ZNF318: variants seen among roughly 807,000 people sequenced by gnomAD.
The protein encoded by ZNF318 is zinc finger protein 318, also known as endocrine regulator.
In ZNF318, 51 loss-of-function variants were observed where a neutral mutation model predicts 124.2. The observed-to-expected ratio is 0.41, with a 90% CI of 0.33 to 0.52. The LOEUF is 0.52. Among genes scored for constraint, ZNF318 ranks in the 20% least tolerant of loss-of-function variants. ZNF318 has a pLI of 0.23. For missense variants in ZNF318, 2,815 were observed against 2,811.2 expected (o/e 1.00, Z -0.03); for synonymous variants, 1,090 against 1,040.7 (o/e 1.05, Z -0.91).
rs142464624 is a variant in ZNF318 at position 43,348,392 on chromosome 6, G to A, written c.3004C>T (p.Pro1002Ser). The change falls in exon 6 of 10, where the codon CCT becomes TCT. Residue 1002 changes from proline (P) to serine (S), a missense_variant. Coordinates refer to ENST00000361428, the MANE Select transcript of ZNF318 (RefSeq NM_014345.3). ...LSDSREPTEKPGKAEKSKSPE... is the reference protein window; with the variant it reads ...LSDSREPTEKSGKAEKSKSPE... ...CTCTTAGATTTTTCTGCTTTCCCAG[G>A]CTTCTCTGTAGGCTCTCTACTGTCA... 23 of 1,614,026 alleles carry A rather than the reference G, an allele frequency of 1.4e-5. No homozygotes were observed. In the African/African-American group the frequency reaches 2.8e-4, roughly 20 times the overall value.
At chr6:43,345,618 G>A (rs1415039032) in intron 6 of ZNF318, among the ~76,000 whole-genome samples, 1 of 152,148 alleles carries the variant, frequency 6.6e-6, no homozygotes, top group Non-Finnish European at 1.5e-5. Flanking sequence ...TACCTAGACT[G>A]AAGACCCAGG....
Position 43,365,494 on chromosome 6 carries a change from T to A in ZNF318, c.400-54A>T, listed in dbSNP as rs1779749062. On this transcript the variant is annotated intron_variant, in intron 1 of 9. Coordinates refer to ENST00000361428, the MANE Select transcript of ZNF318 (RefSeq NM_014345.3). ...TCAATAGGGTCAAGACATCCCTACA[T>A]CCAAAAACTCTCCTCCCTAGTTACA... 8 of 1,561,776 alleles carry A rather than the reference T, an allele frequency of 5.1e-6. No individual in the cohort carries two copies. The South Asian group carries it at 6.9e-5, about 13-fold the overall frequency.
chr6:43,340,568 GCTA>G, intron 9 of ZNF318, 66 bp from the exon 10 acceptor site: 1 of 1,503,272 alleles, frequency 6.7e-7, no homozygotes, highest in Non-Finnish European at 8.8e-7. Context: ...TCTTGGCCCC[GCTA>G]CTGTTAGAAT....
chr6:43,358,414 A>T (rs1187722216), intron 2 of ZNF318, among the ~76,000 whole-genome samples: 143 of 124,752 alleles, frequency 1.1e-3, no homozygotes, highest in Non-Finnish European at 1.6e-3. Context: ...CACCCGGCTA[A>T]TTTTTTTTTT....
At chr6:43,368,786 C>A (rs1042738789) in intron 1 of ZNF318, 181 bp downstream of exon 1, 5 of 985,198 alleles carry the variant, frequency 5.1e-6, no homozygotes, top group Non-Finnish European at 6.0e-6. Context: ...CTCCCGAGTC[C>A]GTTATTGTGT....
intron 2 of ZNF318, among the ~76,000 whole-genome samples, chr6:43,362,518 C>CTTT (rs1180416139): frequency 0.088 from 7,087 of 80,882 alleles, 1,393 homozygotes; most frequent in Admixed American, 0.14. Flanking sequence ...ACATACACGT[C>CTTT]TTTTTTTTTT....
At position 43,337,711 on chromosome 6, in the gene ZNF318, C is replaced by A. The variant is rs1332083888; in HGVS notation, c.6287G>T (p.Ser2096Ile). 3.1e-6 allele frequency: 5 copies of A among 1,614,164 alleles called. No homozygotes were observed. The African/African-American group carries it at 4.0e-5, about 13-fold the overall frequency. The change falls in exon 10 of 10, where the codon AGT (serine) becomes ATT (isoleucine). Residue 2096 changes from serine (S) to isoleucine (I), a missense_variant. Coordinates refer to ENST00000361428, the MANE Select transcript of ZNF318 (RefSeq NM_014345.3). ...EGERNSPNPR[S>I]VRIPSPNILK... ...AATGTTAGGAGAAGGGATCCTAACA[C>A]TCCTGGGATTAGGTGAGTTTCGTTC... is the stretch of plus-strand genomic sequence containing the variant.
rs576693452 is a variant in ZNF318, at chr6:43,339,213, T to C, written c.4785A>G (p.Pro1595=). 1.9e-6 allele frequency: 3 copies of C among 1,614,234 alleles called. No homozygotes were observed. The highest frequency in any genetic ancestry group is 2.7e-5 in the African/African-American group (2 of 75,054). ...GGTTGCTATTTTCCCCATTGGCCAATGGACCACCACTTAGCTTAGTCTCAG... is the reference window on the plus strand; with the variant it reads ...GGTTGCTATTTTCCCCATTGGCCAACGGACCACCACTTAGCTTAGTCTCAG... ...GAPETKLSGG[P]LANGENSNLS... Residue 1595 remains proline, a synonymous_variant, in exon 10 of 10, where the codon CCA becomes CCG. Transcript: ENST00000361428. The surrounding 1 kb of genome is among the most constrained non-coding windows in gnomAD (Gnocchi z 4.2).
At chr6:43,354,390 TAC>T (rs1779574345) in intron 4 of ZNF318, among the ~76,000 whole-genome samples, 1 of 152,204 alleles carries the variant, frequency 6.6e-6, no homozygotes, top group Admixed American at 6.5e-5. Flanking sequence ...AGTTCCTATC[TAC>T]AGTGTTTGAA....
chr6:43,357,790 G>C (rs1331559011), intron 2 of ZNF318, 25 bp from the exon 3 acceptor site: 2 of 1,559,460 alleles, frequency 1.3e-6, no homozygotes, highest in Non-Finnish European at 1.7e-6. Context: ...AAGCATCATT[G>C]AACAAATGGA....
intron 2 of ZNF318, chr6:43,364,107 C>T (rs1779726234): frequency 5.2e-6 from 6 of 1,144,588 alleles, no homozygotes; most frequent in Non-Finnish European, 7.7e-6. Flanking sequence ...TGCACTGCCA[C>T]CCTGGGCAAC....
intron 5 of ZNF318, 131 bp from the exon 6 acceptor site, chr6:43,348,756 A>AGGGGCCG (rs1396476682): frequency 4.6e-6 from 5 of 1,097,054 alleles, no homozygotes; most frequent in Non-Finnish European, 6.4e-6. Context: ...AAGAGTGGCT[A>AGGGGCCG]GGCGTGGTGG....
At position 43,357,665 on chromosome 6, in the gene ZNF318, A is replaced by G; in HGVS notation, c.649T>C (p.Leu217=). 1.2e-6 allele frequency: 2 copies of G among 1,613,956 alleles called. No individual in the cohort carries two copies. The highest frequency in any genetic ancestry group is 1.3e-5 in the African/African-American group (1 of 75,030). The change falls in exon 3 of 10, where the codon TTG becomes CTG. Residue 217 remains leucine (L), a synonymous_variant. Transcript: ENST00000361428. The part of the protein sequence containing the change: ...SQEEGPLSPF[L]GQLDEDYRTK... ...CGGTAGTCCTCATCAAGTTGTCCCA[A>G]GAAGGGACTGAGAGGCCCTTCCTCC... is the stretch of plus-strand genomic sequence containing the variant.
At chr6:43,352,309 G>C (rs1779540844) in intron 5 of ZNF318, 68 bp downstream of exon 5, 2 of 1,053,512 alleles carry the variant, frequency 1.9e-6, no homozygotes, top group South Asian at 1.7e-5. Flanking sequence ...GAACCTGTGT[G>C]AGAGTACCAA....
Position 43,355,123 on chromosome 6 carries a change from T to C in ZNF318, c.2211A>G (p.Ala737=). The C allele has an allele frequency of 1.2e-6, 2 of 1,614,214 alleles. No individual in the cohort carries two copies. The highest frequency in any genetic ancestry group is 2.7e-5 in the African/African-American group (2 of 75,056). The change falls in exon 4 of 10, where the codon GCA becomes GCG. Residue 737 remains alanine (A), a synonymous_variant. Coordinates refer to ENST00000361428, the MANE Select transcript of ZNF318 (RefSeq NM_014345.3). ...VVGSGFQSSV[A]VRCMLPSAPS... The stretch of plus-strand genomic sequence containing the variant: ...GGGCTGATGGCAACATGCACCTGAC[T>C]GCAACAGATGACTGAAACCCACTAC...
At chr6:43,359,421 G>C (rs1027151892) in intron 2 of ZNF318, among the ~76,000 whole-genome samples, 5 of 152,102 alleles carry the variant, frequency 3.3e-5, no homozygotes, top group Non-Finnish European at 7.4e-5. Flanking sequence ...CAAAACTAAA[G>C]TTTCTGATTT....
chr6:43,338,396 C>G lies in ZNF318; in HGVS notation c.5602G>C (p.Asp1868His). The change falls in exon 10 of 10, where the codon GAC becomes CAC. Residue 1868 changes from aspartate (D) to histidine (H), a missense_variant. Transcript: ENST00000361428. ...QACSFTKAKL[D>H]SFLSEARSLL... ...GACCTAGCTTCTGATAAAAATGAGT[C>G]TAATTTTGCCTTTGTGAAAGAGCAA... 2 of 1,614,186 alleles carry G rather than the reference C, an allele frequency of 1.2e-6. No homozygotes were observed. Among genetic ancestry groups the G allele is most frequent in the Non-Finnish European group, 1.7e-6 (2 of 1,180,038 alleles).
Position 43,356,026 on chromosome 6 carries a change from C to T in ZNF318, c.1308G>A (p.Gly436=), listed in dbSNP as rs1164493878. ...AAFASEIENK[G]TMVETALKEP... Reference sequence around the variant, plus strand: ...CCTTCAAGGCAGTCTCTACCATAGTCCCCTTGTTTTCAATCTCTGAGGCAA... The same window carrying T: ...CCTTCAAGGCAGTCTCTACCATAGTTCCCTTGTTTTCAATCTCTGAGGCAA... The change falls in exon 4 of 10, where the codon GGG becomes GGA. Residue 436 remains glycine (G), a synonymous_variant. Coordinates refer to ENST00000361428, the MANE Select transcript of ZNF318 (RefSeq NM_014345.3). 6.2e-7 allele frequency: 1 copy of T among 1,614,166 alleles called. No homozygotes were observed. Among genetic ancestry groups the T allele is most frequent in the Non-Finnish European group, 8.5e-7 (1 of 1,180,024 alleles).
At position 43,355,173 on chromosome 6, in the gene ZNF318, G is replaced by A; in HGVS notation, c.2161C>T (p.His721Tyr). The A allele has an allele frequency of 6.2e-7, 1 of 1,614,182 alleles. No homozygotes were observed. The highest frequency in any genetic ancestry group is 8.5e-7 in the Non-Finnish European group (1 of 1,180,036). Residue 721 changes from histidine to tyrosine, a missense_variant, in exon 4 of 10, where the codon CAT (histidine) becomes TAT (tyrosine). This residue lies in a region of ZNF318 where 1,377 missense variants were observed against 1,353.5 expected (regional missense o/e 1.02). Coordinates refer to ENST00000361428, the MANE Select transcript of ZNF318 (RefSeq NM_014345.3). ...CCAACCACCTCTGGTCCTGAAATATGACCCACTGGATGGTCAGACTTTAGG... is the reference window on the plus strand; with the variant it reads ...CCAACCACCTCTGGTCCTGAAATATAACCCACTGGATGGTCAGACTTTAGG... ...PFLKSDHPVG[H>Y]ISGPEVVGSG...
Sources: allele counts gnomAD v4.1 joint callset (sites outside exome capture counted in the v4.1 genomes callset), GRCh38; gene constraint gnomAD v4.1.1; regional missense constraint gnomAD v4.1.1; non-coding constraint Gnocchi (gnomAD v3.1); transcripts MANE v1.5; gene names NCBI Gene and HGNC (gene_info 2026-07-23, HGNC 2026-07-21).